The following ZBTB20 variants were observed in gnomAD, a reference collection of about 807,000 sequenced individuals.
The protein encoded by ZBTB20 is zinc finger and BTB domain-containing protein 20.
Under a neutral mutation model 56.9 loss-of-function variants are expected in ZBTB20, and 9 were observed. The observed-to-expected ratio is 0.16, with a 90% CI of 0.10 to 0.28. The LOEUF is 0.28. Among genes scored for constraint, ZBTB20 ranks in the 10% least tolerant of loss-of-function variants. The probability of loss-of-function intolerance (pLI) is 1.00; values close to 1 mark genes in which losing one functional copy is unlikely to be tolerated. For missense variants in ZBTB20, 655 were observed against 1,003.0 expected (o/e 0.65, Z 4.69); for synonymous variants, 417 against 420.7 (o/e 0.99, Z 0.11).
chr3:114,974,203 T>C (rs2078006560), intron 3 of ZBTB20, among the ~76,000 whole-genome samples, 163 bp downstream of exon 3: 1 of 152,084 alleles, frequency 6.6e-6, no homozygotes, highest in African/African-American at 2.4e-5. Context: ...AATTTCATAT[T>C]ATTTTTAGGT....
At chr3:114,606,213 T>A (rs2057138157) in intron 6 of ZBTB20, among the ~76,000 whole-genome samples, 1 of 152,188 alleles carries the variant, frequency 6.6e-6, no homozygotes. Context: ...GCATGGTTCT[T>A]TCCCATCAAT....
intron 7 of ZBTB20, among the ~76,000 whole-genome samples, chr3:114,390,794 A>G (rs2085792485): frequency 6.6e-6 from 1 of 152,234 alleles, no homozygotes; most frequent in Admixed American, 6.5e-5. Flanking sequence ...GATGAATACA[A>G]CAGGGTCTCT....
intron 2 of ZBTB20, among the ~76,000 whole-genome samples, chr3:115,045,696 TATAA>T (rs879310695): frequency 6.6e-6 from 1 of 152,180 alleles, no homozygotes; most frequent in Non-Finnish European, 1.5e-5. Context: ...AGAAAGAGAA[TATAA>T]ATAAATTATT....
chr3:115,027,636 TTTG>T (rs1439870662), intron 2 of ZBTB20: 4 of 150,986 alleles, frequency 2.6e-5, no homozygotes, highest in Non-Finnish European at 6.0e-5. Flanking sequence ...ATTACCCAAT[TTTG>T]TTAATCAAGT....
chr3:114,672,065 C>T (rs1390803619), intron 6 of ZBTB20, among the ~76,000 whole-genome samples: 2 of 151,980 alleles, frequency 1.3e-5, no homozygotes, highest in African/African-American at 4.8e-5. Flanking sequence ...TATAGTTTTT[C>T]CTATAATGCC....
chr3:114,534,455 T>C (rs938658398), intron 6 of ZBTB20, among the ~76,000 whole-genome samples: 1 of 152,192 alleles, frequency 6.6e-6, no homozygotes, highest in Non-Finnish European at 1.5e-5. Context: ...TAAATATACA[T>C]GCACCTAATA....
chr3:115,111,612 AAAC>A (rs2083885861), intron 1 of ZBTB20, among the ~76,000 whole-genome samples: 1 of 152,178 alleles, frequency 6.6e-6, no homozygotes, highest in African/African-American at 2.4e-5. Context: ...ATTTACAATA[AAAC>A]AATAGATATT....
chr3:114,568,469 G>A (rs1481738556), intron 6 of ZBTB20, among the ~76,000 whole-genome samples: 2 of 152,186 alleles, frequency 1.3e-5, no homozygotes, highest in African/African-American at 2.4e-5. Context: ...AATACAGTAA[G>A]AGTAATTATG....
chr3:114,956,192 C>T (rs2077240536), intron 3 of ZBTB20, among the ~76,000 whole-genome samples: 1 of 152,124 alleles, frequency 6.6e-6, no homozygotes, highest in African/African-American at 2.4e-5. Flanking sequence ...AATAAACTTC[C>T]AATTCACTAC....
intron 6 of ZBTB20, among the ~76,000 whole-genome samples, chr3:114,615,779 T>C (rs1345536571): frequency 6.6e-6 from 1 of 152,156 alleles, no homozygotes; most frequent in African/African-American, 2.4e-5. Context: ...ATAAAGCACA[T>C]ATGTATAGGC....
chr3:114,417,038 CCACTTGGGTCCT>C (rs1684290808), intron 7 of ZBTB20, among the ~76,000 whole-genome samples: 1 of 151,956 alleles, frequency 6.6e-6, no homozygotes, highest in South Asian at 2.1e-4. Flanking sequence ...GATGTTTTGA[CCACTTGGGTCCT>C]CATCAGTGTT....
At chr3:114,962,637 A>C (rs1327262101) in intron 3 of ZBTB20, among the ~76,000 whole-genome samples, 2 of 152,158 alleles carry the variant, frequency 1.3e-5, no homozygotes, top group Admixed American at 1.3e-4. Context: ...TACCTTTTAG[A>C]TTGCACCCAA....
intron 4 of ZBTB20, among the ~76,000 whole-genome samples, chr3:114,813,157 G>A (rs1433165605): frequency 6.6e-6 from 1 of 152,246 alleles, no homozygotes; most frequent in African/African-American, 2.4e-5. Context: ...GGGAGCCCAG[G>A]CAGAGGAGGC....
At chr3:114,621,228 C>T (rs1406941244) in intron 6 of ZBTB20, among the ~76,000 whole-genome samples, 1 of 152,146 alleles carries the variant, frequency 6.6e-6, no homozygotes. Context: ...AACTTATCAG[C>T]TAACTACATC....
intron 5 of ZBTB20, among the ~76,000 whole-genome samples, chr3:114,786,243 T>C (rs563175795): frequency 7.0e-4 from 107 of 152,202 alleles, no homozygotes; most frequent in Non-Finnish European, 1.2e-3. Flanking sequence ...GCTGCACCCA[T>C]CAACCTGTCA....
intron 7 of ZBTB20, among the ~76,000 whole-genome samples, chr3:114,390,772 A>G (rs560729629): frequency 1.2e-4 from 18 of 152,372 alleles, no homozygotes; most frequent in African/African-American, 4.3e-4. Flanking sequence ...TATAGCATCT[A>G]TGAGGCACCT....
chr3:114,716,732 T>C (rs2108470514), intron 5 of ZBTB20, among the ~76,000 whole-genome samples: 1 of 152,294 alleles, frequency 6.6e-6, no homozygotes, highest in Non-Finnish European at 1.5e-5. Context: ...GCAATTTTAC[T>C]AGTCTGGCAA....
chr3:114,739,209 T>C (rs2066401797), intron 5 of ZBTB20, among the ~76,000 whole-genome samples: 1 of 152,190 alleles, frequency 6.6e-6, no homozygotes, highest in Non-Finnish European at 1.5e-5. Context: ...CCTCTAGGGA[T>C]ATGGCCCTAG....
At chr3:115,146,975 C>CGGGGGA (rs1456809463) in intron 1 of ZBTB20, among the ~76,000 whole-genome samples, 1 of 149,310 alleles carries the variant, frequency 6.7e-6, no homozygotes, top group Non-Finnish European at 1.5e-5. Flanking sequence ...AGAAGGGCGC[C>CGGGGGA]GGGGGAGGGG....
Sources: allele counts gnomAD v4.1 joint callset (sites outside exome capture counted in the v4.1 genomes callset), GRCh38; gene constraint gnomAD v4.1.1; transcripts MANE v1.5; gene names NCBI Gene and HGNC (gene_info 2026-07-23, HGNC 2026-07-21).